The following CFHR4 variants were observed in gnomAD, a reference collection of about 807,000 sequenced individuals.
CFHR4 encodes complement factor H-related protein 4.
In CFHR4, 64 loss-of-function variants were observed where a neutral mutation model predicts 69.3. That is an observed-to-expected ratio of 0.92 (90% CI 0.76 to 1.14). The LOEUF (loss-of-function observed/expected upper bound fraction) is 1.14, where lower values mean the gene tolerates loss of function less well. Among genes scored for constraint, CFHR4 ranks in the 50% most tolerant of loss-of-function variants. The pLI is 0.00. For missense variants in CFHR4, 636 were observed against 684.9 expected (o/e 0.93, Z 0.80); for synonymous variants, 244 against 237.0 (o/e 1.03, Z -0.27).
Position 196,907,441 on chromosome 1 carries a change from G to A in CFHR4, c.742G>A (p.Gly248Ser). Residue 248 changes from glycine to serine, a missense_variant, in exon 5 of 10, where the codon GGT (glycine) becomes AGT (serine). By Grantham distance (56) the Gly-to-Ser change is moderately conservative. Around this residue, in one of 3 missense-constraint regions of CFHR4, gnomAD observed 529 missense variants for 533.2 expected, o/e 0.99. Transcript: ENST00000608469. ...GTGCCAGTCCTACTATGAACTTCAG[G>A]GTTCTAAATATGTAACATGTAGTAA... ...YQCQSYYELQ[G>S]SKYVTCSNGD... 6.2e-7 allele frequency: 1 copy of A among 1,611,762 alleles called. No homozygotes were observed.
intron 1 of CFHR4, among the ~76,000 whole-genome samples, chr1:196,896,930 G>A (rs147007272): frequency 6.6e-6 from 1 of 151,334 alleles, no homozygotes; most frequent in East Asian, 1.9e-4. Flanking sequence ...AAGTTCTAGG[G>A]TACATGTGCA....
intron 1 of CFHR4, among the ~76,000 whole-genome samples, chr1:196,891,476 G>C (rs547324554): frequency 1.3e-5 from 2 of 151,266 alleles, no homozygotes; most frequent in East Asian, 3.9e-4. Flanking sequence ...CAAGCCTCTG[G>C]AGCCAGTTCT....
chr1:196,889,031 T>C (rs1290866699), intron 1 of CFHR4, among the ~76,000 whole-genome samples: 1 of 151,450 alleles, frequency 6.6e-6, no homozygotes, highest in Non-Finnish European at 1.5e-5. Flanking sequence ...TCAAAAATCA[T>C]GGACAATCAA....
Position 196,888,207 on chromosome 1 carries a change from A to T in CFHR4, c.57A>T (p.Gln19His). The T allele has an allele frequency of 1.9e-6, 3 of 1,611,042 alleles. No homozygotes were observed. The highest frequency in any genetic ancestry group is 2.5e-6 in the Non-Finnish European group (3 of 1,178,452). Residue 19 changes from glutamine (Q) to histidine (H), a missense_variant and splice_region_variant, in exon 1 of 10, where the codon CAA (glutamine) becomes CAT (histidine). By Grantham distance (24) the Gln-to-His change is conservative. Coordinates refer to ENST00000608469, the MANE Select transcript of CFHR4 (RefSeq NM_001201550.3). ...LTLWVSCANG[Q>H]EVKPCDFPEI... Reference sequence around the variant, plus strand: ...TGTGGGTTTCCTGTGCTAATGGACAAGGTAAGTTGAAAGAGATCTAAACAC... The same window carrying T: ...TGTGGGTTTCCTGTGCTAATGGACATGGTAAGTTGAAAGAGATCTAAACAC...
chr1:196,907,565 TA>T, intron 5 of CFHR4, 67 bp downstream of exon 5: 1 of 1,358,498 alleles, frequency 7.4e-7, no homozygotes, highest in Non-Finnish European at 1.0e-6. Context: ...TTATTTATAC[TA>T]AAATTTTTAT....
At chr1:196,893,899 A>G (rs1022103329) in intron 1 of CFHR4, among the ~76,000 whole-genome samples, 1 of 151,576 alleles carries the variant, frequency 6.6e-6, no homozygotes, top group Non-Finnish European at 1.5e-5. Flanking sequence ...TTTGTTTATT[A>G]CATGAATTCT....
At chr1:196,897,730 G>T (rs2124942712) in intron 1 of CFHR4, among the ~76,000 whole-genome samples, 1 of 151,390 alleles carries the variant, frequency 6.6e-6, no homozygotes, top group Non-Finnish European at 1.5e-5. Context: ...CGCTGTGATT[G>T]TTCAGCCGCG....
chr1:196,905,640 T>A (rs1657867448), intron 3 of CFHR4, among the ~76,000 whole-genome samples: 1 of 151,470 alleles, frequency 6.6e-6, no homozygotes, highest in Non-Finnish European at 1.5e-5. Flanking sequence ...AATTATCAAC[T>A]GCTTGTATTG....
chr1:196,903,551 G>T (rs1657737348), intron 2 of CFHR4, among the ~76,000 whole-genome samples: 1 of 151,120 alleles, frequency 6.6e-6, no homozygotes, highest in Non-Finnish European at 1.5e-5. Context: ...TACCCAGGAG[G>T]CTGAGGCTGG....
In CFHR4 at chr1:196,897,209, G is replaced by A. The variant is rs986793533; in HGVS notation, c.59-5209G>A. Among the ~76,000 whole-genome samples, 4 of 151,732 alleles carry A rather than the reference G, an allele frequency of 2.6e-5. No homozygotes were observed. The South Asian group carries it at 6.2e-4, about 24-fold the overall frequency. ...AGGACGTGCGAGAGGGGTGTTATCTGCTTTGTCGCCCCGCAGCTCAAACCC... is the reference window on the plus strand; with the variant it reads ...AGGACGTGCGAGAGGGGTGTTATCTACTTTGTCGCCCCGCAGCTCAAACCC... On this transcript the variant is annotated intron_variant, in intron 1 of 9. Coordinates refer to ENST00000608469, the MANE Select transcript of CFHR4 (RefSeq NM_001201550.3).
At position 196,918,465 on chromosome 1, in the gene CFHR4, A is replaced by G; in HGVS notation, c.*59A>G. 1 of 1,468,200 alleles carries G rather than the reference A, an allele frequency of 6.8e-7. No individual in the cohort carries two copies. The highest frequency in any genetic ancestry group is 9.5e-7 in the Non-Finnish European group (1 of 1,051,402). The allele number at this position is 1,468,200 out of a possible 1,614,324, so 90.9% of individuals were successfully genotyped here. On this transcript the variant is annotated 3_prime_UTR_variant, in exon 10 of 10. Transcript: ENST00000608469. ...TCCACTTCTCACTCTTATGGTCTCA[A>G]AGCTTGCAAAGATAGCTTCTGATAT...
At chr1:196,909,336 G>A (rs1462972360) in intron 5 of CFHR4, among the ~76,000 whole-genome samples, 1 of 151,420 alleles carries the variant, frequency 6.6e-6, no homozygotes, top group East Asian at 1.9e-4. Context: ...AGGGAAAAAG[G>A]CAACCTTATG....
Position 196,906,864 on chromosome 1 carries a change from T to C in CFHR4, c.443T>C (p.Phe148Ser). 1 of 1,599,512 alleles carries C rather than the reference T, an allele frequency of 6.3e-7. No individual in the cohort carries two copies. Among genetic ancestry groups the C allele is most frequent in the South Asian group, 1.1e-5 (1 of 88,134 alleles). Reference sequence around the variant, plus strand: ...CCTCAATTTTATTTTGTTTCAGAATTTTGTGATATGCCTGTTTTTGAGAAT... The same window carrying C: ...CCTCAATTTTATTTTGTTTCAGAATCTTGTGATATGCCTGTTTTTGAGAAT... ...GWSTQPICIK[F>S]CDMPVFENSR... Residue 148 changes from phenylalanine to serine, a missense_variant, in exon 4 of 10, where the codon TTT (phenylalanine) becomes TCT (serine). Coordinates refer to ENST00000608469, the MANE Select transcript of CFHR4 (RefSeq NM_001201550.3).
At chr1:196,900,316 A>AT (rs1657534577) in intron 1 of CFHR4, among the ~76,000 whole-genome samples, 2 of 35,252 alleles carry the variant, frequency 5.7e-5, no homozygotes, top group Non-Finnish European at 1.1e-4. Context: ...TCATAGGTGG[A>AT]ATTTTTTTTT....
At position 196,914,687 on chromosome 1, in the gene CFHR4, A is replaced by G; in HGVS notation, c.1357+16A>G. On this transcript the variant is annotated intron_variant, in intron 8 of 9. Coordinates refer to ENST00000608469, the MANE Select transcript of CFHR4 (RefSeq NM_001201550.3). Reference sequence around the variant, plus strand: ...ACATGTTATAGTAAGTATTTTATTCAAGTATTTTTTATTAGAATTAAATAA... The same window carrying G: ...ACATGTTATAGTAAGTATTTTATTCGAGTATTTTTTATTAGAATTAAATAA... The G allele has an allele frequency of 6.3e-7, 1 of 1,576,644 alleles. No homozygotes were observed. Among genetic ancestry groups the G allele is most frequent in the Non-Finnish European group, 8.6e-7 (1 of 1,165,776 alleles).
chr1:196,911,355 T>C (rs1216779696), intron 6 of CFHR4, among the ~76,000 whole-genome samples: 2 of 151,490 alleles, frequency 1.3e-5, no homozygotes, highest in Non-Finnish European at 2.9e-5. Flanking sequence ...AAAGTAACAT[T>C]GCTTCAGTAT....
At chr1:196,891,900 C>G (rs1233973793) in intron 1 of CFHR4, among the ~76,000 whole-genome samples, 1 of 151,210 alleles carries the variant, frequency 6.6e-6, no homozygotes, top group Non-Finnish European at 1.5e-5. Flanking sequence ...TACATGAATT[C>G]TAACTATGGT....
At position 196,894,287 on chromosome 1, in the gene CFHR4, T is replaced by C. The variant is rs562802831; in HGVS notation, c.58+6079T>C. On this transcript the variant is annotated intron_variant, in intron 1 of 9. Coordinates refer to ENST00000608469, the MANE Select transcript of CFHR4 (RefSeq NM_001201550.3). ...GCTTTTAGGTTAATAATTGTTTTTC[T>C]AAACTTCACTGGTCTCTTAAATCAT... Among the ~76,000 whole-genome samples, 9 of 151,642 alleles carry C rather than the reference T, an allele frequency of 5.9e-5. 1 individual carries two copies. The highest frequency in any genetic ancestry group is 2.2e-4 in the African/African-American group (9 of 41,110).
At chr1:196,912,326 G>T (rs1246247383) in intron 6 of CFHR4, among the ~76,000 whole-genome samples, 1 of 151,378 alleles carries the variant, frequency 6.6e-6, no homozygotes, top group Non-Finnish European at 1.5e-5. Flanking sequence ...TATGGTAGCA[G>T]TGTGTACCGT....
Sources: allele counts gnomAD v4.1 joint callset (sites outside exome capture counted in the v4.1 genomes callset), GRCh38; gene constraint gnomAD v4.1.1; regional missense constraint gnomAD v4.1.1; transcripts MANE v1.5; gene names NCBI Gene and HGNC (gene_info 2026-07-23, HGNC 2026-07-21).